The following SI variants were observed in gnomAD, a reference collection of about 807,000 sequenced individuals.
SI encodes the protein sucrase-isomaltase, intestinal.
In SI, 235 loss-of-function variants were observed where a neutral mutation model predicts 253.3. That is an observed-to-expected ratio of 0.93 (90% CI 0.83 to 1.03). The LOEUF is 1.03. Among genes scored for constraint, SI ranks in the 50% least tolerant of loss-of-function variants. The pLI is 0.00. For missense variants in SI, 2,442 were observed against 2,211.1 expected, an observed-to-expected ratio of 1.10 and a Z score of -2.09; for synonymous variants, 819 against 712.0, an observed-to-expected ratio of 1.15 and a Z score of -2.39.
chr3:165,013,139 A>T, intron 33 of SI, 97 bp from the exon 34 acceptor site: 1 of 811,704 alleles, frequency 1.2e-6, no homozygotes. Context: ...GAGGCTTATT[A>T]TTAACTCAAA....
chr3:165,026,435 A>C lies in SI; in HGVS notation c.2893-2659T>G, dbSNP rs1289519880. Among the ~76,000 whole-genome samples the C allele has an allele frequency of 4.6e-5, 7 of 151,550 alleles. No individual in the cohort carries two copies. In the East Asian group the frequency reaches 7.8e-4, roughly 17 times the overall value. ...TACTAGACAGATCATCAAGATGGAA[A>C]GTCAACAAAGTAACAATGGATTTAA... On this transcript the variant is annotated intron_variant, in intron 25 of 47. Transcript: ENST00000264382.
intron 44 of SI, among the ~76,000 whole-genome samples, chr3:164,989,426 A>AAGAAAGAG (rs1553768932): frequency 2.0e-3 from 304 of 148,840 alleles, no homozygotes; most frequent in South Asian, 5.7e-3. Flanking sequence ...GAAAGAAAGA[A>AAGAAAGAG]AGAAAGAAAG....
intron 21 of SI, among the ~76,000 whole-genome samples, chr3:165,037,218 A>G (rs756775252): frequency 6.6e-6 from 1 of 151,976 alleles, no homozygotes; most frequent in Non-Finnish European, 1.5e-5. Flanking sequence ...AGAATAAATA[A>G]TATAATTTCA....
chr3:165,074,464 T>C lies in SI; in HGVS notation c.255+67A>G. On this transcript the variant is annotated intron_variant, in intron 3 of 47. Transcript: ENST00000264382. ...TTTATTAAATAAGATCGATCCAATA[T>C]TCAGCAATTATCTTAATATAATAAT... is the stretch of plus-strand genomic sequence containing the variant. 9 of 1,000,652 alleles carry C rather than the reference T, an allele frequency of 9.0e-6. No homozygotes were observed. The South Asian group carries it at 1.8e-4, about 20-fold the overall frequency. The allele number at this position is 1,000,652 out of a possible 1,614,324, so 62.0% of individuals were successfully genotyped here.
chr3:164,993,768 G>A (rs1444351489), intron 41 of SI, among the ~76,000 whole-genome samples: 1 of 151,632 alleles, frequency 6.6e-6, no homozygotes, highest in Non-Finnish European at 1.5e-5. Context: ...GCTTTAAGAG[G>A]TGAATCCAAA....
At chr3:165,061,266 A>G (rs1713971701) in intron 9 of SI, among the ~76,000 whole-genome samples, 1 of 151,972 alleles carries the variant, frequency 6.6e-6, no homozygotes, top group Non-Finnish European at 1.5e-5. Context: ...TGTGGGAGAT[A>G]GCTATGCCAA....
chr3:165,002,935 A>G (rs144719213), intron 37 of SI, among the ~76,000 whole-genome samples: 2 of 151,920 alleles, frequency 1.3e-5, no homozygotes, highest in African/African-American at 4.8e-5. Context: ...TAATAAGTAT[A>G]TGTATATTGA....
At chr3:165,018,970 A>C (rs576614969) in intron 28 of SI, among the ~76,000 whole-genome samples, 1 of 151,966 alleles carries the variant, frequency 6.6e-6, no homozygotes, top group African/African-American at 2.4e-5. Flanking sequence ...TTAAGTATAC[A>C]TCACATGTGA....
Position 165,055,200 on chromosome 3 carries a change from A to G in SI, c.1506T>C (p.Leu502=), listed in dbSNP as rs113511967. The G allele has an allele frequency of 1.0e-5, 16 of 1,590,524 alleles. No individual in the cohort carries two copies. In the South Asian group the frequency reaches 1.5e-4, roughly 15 times the overall value. The part of the protein sequence containing the change: ...IFHQEVQYDG[L]WIDMNEVSSF... ...GTTTAAAATAGCTACTTACAATCCA[A>G]AGTCCATCATATTGCACTTCTTGAT... Residue 502 remains leucine (L), a synonymous_variant, in exon 13 of 48, where the codon CTT becomes CTC. Coordinates refer to ENST00000264382, the MANE Select transcript of SI (RefSeq NM_001041.4).
In SI at chr3:165,019,736, C is replaced by T. The variant is rs914819402; in HGVS notation, c.3289G>A (p.Asp1097Asn). Reference protein sequence around the residue: ...DSWLPGFAFNDQFIQISTRLP... With the variant: ...DSWLPGFAFNNQFIQISTRLP... ...CGAGTCGATATTTGAATGAACTGGT[C>T]ATTAAAAGCAAATCCAGGCAGCCAA... Residue 1097 changes from aspartate (D) to asparagine (N), a missense_variant, in exon 28 of 48, where the codon GAC (aspartate) becomes AAC (asparagine). Transcript: ENST00000264382. The T allele has an allele frequency of 6.2e-7, 1 of 1,612,506 alleles. No individual in the cohort carries two copies. Among genetic ancestry groups the T allele is most frequent in the Admixed American group, 1.7e-5 (1 of 59,822 alleles).
rs376816463 is a variant in SI at position 165,049,235 on chromosome 3, T to C, written c.1607A>G (p.Asp536Gly). Residue 536 changes from aspartate (D) to glycine (G), a missense_variant, in exon 15 of 48, where the codon GAC becomes GGC. Coordinates refer to ENST00000264382, the MANE Select transcript of SI (RefSeq NM_001041.4). ...NYPPFTPDIL[D>G]KLMYSKTICM... ...AATTGTTTTGGAATACATGAGTTTG[T>C]CAAGAATATCTTTGAGAAAATACAT... 1 of 1,574,834 alleles carries C rather than the reference T, an allele frequency of 6.3e-7. No homozygotes were observed. Among genetic ancestry groups the C allele is most frequent in the South Asian group, 1.1e-5 (1 of 89,962 alleles).
At chr3:164,996,465 T>G in intron 40 of SI, 70 bp downstream of exon 40, 2 of 895,780 alleles carry the variant, frequency 2.2e-6, no homozygotes, top group Non-Finnish European at 3.8e-6. Flanking sequence ...AACCAAGCCA[T>G]GTACACTAAA....
chr3:165,032,829 A>G (rs1712323604), intron 23 of SI, 137 bp from the exon 24 acceptor site: 2 of 581,964 alleles, frequency 3.4e-6, no homozygotes, highest in Non-Finnish European at 6.1e-6. Context: ...CAAGTAGCAC[A>G]TAGAAATATA....
chr3:165,025,577 A>G (rs1711867827), intron 25 of SI, among the ~76,000 whole-genome samples: 1 of 151,212 alleles, frequency 6.6e-6, no homozygotes, highest in Admixed American at 6.6e-5. Flanking sequence ...AGATGAAGGA[A>G]AAAATCTTAA....
At chr3:165,012,845 T>C in intron 34 of SI, 135 bp downstream of exon 34, 1 of 709,614 alleles carries the variant, frequency 1.4e-6, no homozygotes, top group Non-Finnish European at 2.6e-6. Flanking sequence ...TTTATCTAAA[T>C]ATGGTCTGAT....
rs1312605787 is a variant in SI, at chr3:164,998,670, T to A, written c.4410A>T (p.Ala1470=). Residue 1470 remains alanine, a synonymous_variant, in exon 38 of 48, where the codon GCA becomes GCT. Transcript: ENST00000264382. ...CTCTTTTTCCAGTTGTCTTCTGCAATGCACTAATATAGTAGAGAAGTATTT... is the reference window on the plus strand; with the variant it reads ...CTCTTTTTCCAGTTGTCTTCTGCAAAGCACTAATATAGTAGAGAAGTATTT... The part of the protein sequence containing the change: ...GWSQMKPTHD[A]LQKTTGKRGI... The A allele has an allele frequency of 2.5e-6, 4 of 1,610,290 alleles. No homozygotes were observed. In the East Asian group the frequency reaches 8.9e-5, roughly 36 times the overall value.
chr3:165,022,535 T>TCACACACA (rs10686237), intron 26 of SI, among the ~76,000 whole-genome samples: 1,893 of 137,896 alleles, frequency 0.014, 22 homozygotes, highest in Non-Finnish European at 0.018. Context: ...TTGTGCCATC[T>TCACACACA]CACACACACA....
rs1400962565 is a variant in SI at position 164,979,373 on chromosome 3, T to G, written c.5473A>C (p.Asn1825His). Residue 1825 changes from asparagine to histidine, a missense_variant, in exon 48 of 48, where the codon AAC becomes CAC. Coordinates refer to ENST00000264382, the MANE Select transcript of SI (RefSeq NM_001041.4). ...ATTGATGGTGATCTTCATGACCAGTTGATTTCTATTGGTTCTTCTAGAGTA... is the reference window on the plus strand; with the variant it reads ...ATTGATGGTGATCTTCATGACCAGTGGATTTCTATTGGTTCTTCTAGAGTA... The part of the protein sequence containing the change: ...NVTLEEPIEI[N>H]WS 3 of 1,586,366 alleles carry G rather than the reference T, an allele frequency of 1.9e-6. No individual in the cohort carries two copies. The African/African-American group carries it at 4.0e-5, about 21-fold the overall frequency.
intron 9 of SI, among the ~76,000 whole-genome samples, chr3:165,062,107 A>G (rs953460657): frequency 1.3e-5 from 2 of 151,986 alleles, no homozygotes; most frequent in Admixed American, 1.3e-4. Flanking sequence ...AATATTCAAC[A>G]TCTCAATGAA....
Sources: allele counts gnomAD v4.1 joint callset (sites outside exome capture counted in the v4.1 genomes callset), GRCh38; gene constraint gnomAD v4.1.1; transcripts MANE v1.5; gene names NCBI Gene and HGNC (gene_info 2026-07-23, HGNC 2026-07-21).